Variants in CCDC7 observed in about 807,000 individuals in gnomAD.
CCDC7 encodes the protein coiled-coil domain-containing protein 7.
In CCDC7, 183 loss-of-function variants were observed where a neutral mutation model predicts 196.9. The observed-to-expected ratio is 0.93, with a 90% CI of 0.82 to 1.05. The LOEUF (loss-of-function observed/expected upper bound fraction) is 1.05. Among genes scored for constraint, CCDC7 ranks in the 50% least tolerant of loss-of-function variants. The pLI is 0.00. For missense variants in CCDC7, 1,540 were observed against 1,482.2 expected, an observed-to-expected ratio of 1.04 and a Z score of -0.64; for synonymous variants, 525 against 484.6, an observed-to-expected ratio of 1.08 and a Z score of -1.10.
At chr10:32,760,074 T>C (rs1417916653) in intron 28 of CCDC7, among the ~76,000 whole-genome samples, 2 of 128,674 alleles carry the variant, frequency 1.6e-5, no homozygotes, top group East Asian at 2.0e-4. Flanking sequence ...AGAATGGCTA[T>C]CACTAAAAAG....
At chr10:32,705,497 T>C (rs574674724) in intron 24 of CCDC7, among the ~76,000 whole-genome samples, 2 of 152,184 alleles carry the variant, frequency 1.3e-5, no homozygotes, top group South Asian at 4.1e-4. Context: ...ATGGGCTAAA[T>C]GCCCCAATTA....
At chr10:32,634,724 A>T (rs73257472) in intron 19 of CCDC7, among the ~76,000 whole-genome samples, 2,745 of 152,280 alleles carry the variant, frequency 0.018, 89 homozygotes, top group African/African-American at 0.063. Context: ...AACTCATCAG[A>T]GGTCTTTTTT....
At chr10:32,756,999 CAAAG>C (rs983879233) in intron 28 of CCDC7, among the ~76,000 whole-genome samples, 11 of 152,228 alleles carry the variant, frequency 7.2e-5, no homozygotes, top group Non-Finnish European at 1.2e-4. Context: ...TCAAAAGAGA[CAAAG>C]AAGGCTGTTA....
intron 29 of CCDC7, among the ~76,000 whole-genome samples, chr10:32,794,893 T>C (rs1284760113): frequency 6.6e-6 from 1 of 152,154 alleles, no homozygotes; most frequent in Non-Finnish European, 1.5e-5. Context: ...TCAGCCCTGT[T>C]CTCTCTAGGT....
intron 20 of CCDC7, among the ~76,000 whole-genome samples, chr10:32,650,374 A>G (rs150611320): frequency 5.3e-5 from 8 of 152,352 alleles, no homozygotes; most frequent in Admixed American, 1.3e-4. Flanking sequence ...TCCTTTGTGC[A>G]TCTTCACATT....
At position 32,790,560 on chromosome 10, in the gene CCDC7, C is replaced by G. The variant is rs148193937; in HGVS notation, c.3013+11476C>G. ...GTTCCGCCCTTCCAGGGTCCAGAGT[C>G]ACTACTCTGGGTTACCTCCTCTCTC... On this transcript the variant is annotated intron_variant, in intron 29 of 41. Coordinates refer to ENST00000639629, the Ensembl canonical transcript of CCDC7. Among the ~76,000 whole-genome samples the G allele has an allele frequency of 3.4e-3, 515 of 152,298 alleles. 5 individuals are homozygous for G. The highest frequency in any genetic ancestry group is 0.012 in the African/African-American group (487 of 41,568).
chr10:32,594,634 C>T (rs2060129350), intron 18 of CCDC7, among the ~76,000 whole-genome samples: 1 of 152,124 alleles, frequency 6.6e-6, no homozygotes, highest in Admixed American at 6.5e-5. Context: ...TGCCAGTTTT[C>T]AAAGGGAACA....
At chr10:32,756,832 C>G (rs1343119069) in intron 28 of CCDC7, among the ~76,000 whole-genome samples, 1 of 152,184 alleles carries the variant, frequency 6.6e-6, no homozygotes, top group Non-Finnish European at 1.5e-5. Context: ...CAAGATCCAT[C>G]AGTGTGCTGT....
At position 32,791,194 on chromosome 10, in the gene CCDC7, A is replaced by C. The variant is rs137999379; in HGVS notation, c.3013+12110A>C. Among the ~76,000 whole-genome samples the C allele has an allele frequency of 3.7e-4, 57 of 152,020 alleles. No homozygotes were observed. In the East Asian group the frequency reaches 0.01, roughly 28 times the overall value. ...ACTGTGCTTACCTGGAACCGCAGCC[A>C]CCACAACCTACCCAAAACACTACCC... On this transcript the variant is annotated intron_variant, in intron 29 of 41. Coordinates refer to ENST00000639629, the Ensembl canonical transcript of CCDC7.
At chr10:32,831,713 C>A (rs1450638022) in intron 32 of CCDC7, among the ~76,000 whole-genome samples, 1 of 152,078 alleles carries the variant, frequency 6.6e-6, no homozygotes, top group African/African-American at 2.4e-5. Context: ...CACGTCTTGC[C>A]CCAGTGGAAA....
chr10:32,511,269 G>GGGGT, intron 9 of CCDC7: 2 of 474,092 alleles, frequency 4.2e-6, no homozygotes, highest in Non-Finnish European at 7.2e-6. Context: ...GGCGGGGGGG[G>GGGGT]CGGGGAAATG....
At chr10:32,778,859 T>G (rs1199900130) in intron 28 of CCDC7, 118 bp from the exon 30 acceptor site, 1 of 678,026 alleles carries the variant, frequency 1.5e-6, no homozygotes, top group East Asian at 2.7e-5. Context: ...TCTTTTGCAG[T>G]GTTTTTGCAG....
chr10:32,690,672 G>A (rs1427305176), intron 23 of CCDC7, among the ~76,000 whole-genome samples: 1 of 152,160 alleles, frequency 6.6e-6, no homozygotes, highest in Non-Finnish European at 1.5e-5. Flanking sequence ...CAGCCTTTCT[G>A]TTTCTTCCTA....
At chr10:32,620,618 A>G (rs1312780843) in intron 18 of CCDC7, among the ~76,000 whole-genome samples, 1 of 152,110 alleles carries the variant, frequency 6.6e-6, no homozygotes, top group Non-Finnish European at 1.5e-5. Flanking sequence ...AAAAGTATGG[A>G]GAGACACTGC....
chr10:32,497,239 T>G (rs964177356), intron 9 of CCDC7, among the ~76,000 whole-genome samples: 2 of 152,084 alleles, frequency 1.3e-5, no homozygotes, highest in Non-Finnish European at 2.9e-5. Flanking sequence ...GTGGTGATAT[T>G]CCCTTTATCA....
At chr10:32,766,158 A>G (rs999454661) in intron 28 of CCDC7, among the ~76,000 whole-genome samples, 3 of 152,086 alleles carry the variant, frequency 2.0e-5, no homozygotes, top group Non-Finnish European at 4.4e-5. Flanking sequence ...GGCCTTCTAC[A>G]TCATGAAATG....
intron 30 of CCDC7, 50 bp from the exon 32 acceptor site, chr10:32,814,320 G>C (rs768837326): frequency 4.1e-6 from 5 of 1,220,868 alleles, no homozygotes; most frequent in Non-Finnish European, 6.0e-6. Context: ...TGTCACATTT[G>C]TGTATAAATG....
At chr10:32,585,318 C>T (rs1465016148) in intron 18 of CCDC7, among the ~76,000 whole-genome samples, 1 of 152,162 alleles carries the variant, frequency 6.6e-6, no homozygotes, top group African/African-American at 2.4e-5. Flanking sequence ...TATGATCCGC[C>T]CGCCTTGGCC....
chr10:32,720,421 G>T (rs1014614607), intron 25 of CCDC7, among the ~76,000 whole-genome samples: 3 of 152,030 alleles, frequency 2.0e-5, no homozygotes, highest in Non-Finnish European at 2.9e-5. Context: ...GGGGCCTGTT[G>T]GGGGGTAGGG....
Sources: allele counts gnomAD v4.1 joint callset (sites outside exome capture counted in the v4.1 genomes callset), GRCh38; gene constraint gnomAD v4.1.1; transcripts MANE v1.5; gene names NCBI Gene and HGNC (gene_info 2026-07-23, HGNC 2026-07-21).